Variants in PCDHGB3 observed in about 807,000 individuals in gnomAD.
PCDHGB3 encodes protocadherin gamma-B3.
PCDHGB3 carries 40 observed loss-of-function variants against 59.2 expected under a neutral mutation model. The observed-to-expected ratio is 0.68, with a 90% CI of 0.52 to 0.88. The LOEUF (loss-of-function observed/expected upper bound fraction) is 0.88, where lower values mean the gene tolerates loss of function less well. Among genes scored for constraint, PCDHGB3 ranks in the 40% least tolerant of loss-of-function variants. The pLI, the probability that PCDHGB3 is intolerant of heterozygous loss-of-function variation, is 0.00. For synonymous variants in PCDHGB3, 581 were observed against 503.6 expected, an observed-to-expected ratio of 1.15 and a Z score of -2.06; for missense variants, 1,309 against 1,187.9, an observed-to-expected ratio of 1.10 and a Z score of -1.50.
rs141514361 is a variant in PCDHGB3, at chr5:141,494,629, A to G, written c.2416-178A>G. 4,666 of 858,664 alleles carry G rather than the reference A, an allele frequency of 5.4e-3. 23 individuals are homozygous for G. Among genetic ancestry groups the G allele is most frequent in the Admixed American group, 0.011 (170 of 16,094 alleles). 53.2% of individuals were successfully genotyped at this position (858,664 alleles called of 1,614,324 possible). On this transcript the variant is annotated intron_variant, in intron 1 of 3. Coordinates refer to ENST00000576222, the MANE Select transcript of PCDHGB3 (RefSeq NM_018924.5). ...TATCTCTTGGTTTCTGGTACCTCAGACCTCTGAGACCTGAGGTGTATTTTG... is the reference window on the plus strand; with the variant it reads ...TATCTCTTGGTTTCTGGTACCTCAGGCCTCTGAGACCTGAGGTGTATTTTG...
intron 1 of PCDHGB3, among the ~76,000 whole-genome samples, chr5:141,483,322 G>C (rs1325809962): frequency 1.3e-5 from 2 of 152,110 alleles, no homozygotes. Flanking sequence ...TGGGACTGGA[G>C]GCAAAGAGAT....
intron 1 of PCDHGB3, among the ~76,000 whole-genome samples, chr5:141,436,832 C>T (rs1242760381): frequency 6.6e-6 from 1 of 152,172 alleles, no homozygotes; most frequent in African/African-American, 2.4e-5. Flanking sequence ...ATCTTAAGTG[C>T]CTAGGCACAT....
At chr5:141,510,238 A>C (rs2099880007) in intron 3 of PCDHGB3, among the ~76,000 whole-genome samples, 1 of 149,340 alleles carries the variant, frequency 6.7e-6, no homozygotes, top group Non-Finnish European at 1.5e-5. Flanking sequence ...GCGCCACTGC[A>C]CTCCAGGCTG....
chr5:141,403,571 G>T (rs778030830), intron 1 of PCDHGB3: 2 of 1,613,904 alleles, frequency 1.2e-6, no homozygotes, highest in South Asian at 1.1e-5. Flanking sequence ...GGAGGCAACT[G>T]CCCACCACCT....
chr5:141,390,130 C>T lies in PCDHGB3; in HGVS notation c.2415+17321C>T. On this transcript the variant is annotated intron_variant, in intron 1 of 3. Coordinates refer to ENST00000576222, the MANE Select transcript of PCDHGB3 (RefSeq NM_018924.5). Reference sequence around the variant, plus strand: ...TACAGCGAGGGGACTTTGCCTTATTCCTACAATCTATGTGTTGCACATACA... The same window carrying T: ...TACAGCGAGGGGACTTTGCCTTATTTCTACAATCTATGTGTTGCACATACA... 6.2e-7 allele frequency: 1 copy of T among 1,614,034 alleles called. No individual in the cohort carries two copies. Among genetic ancestry groups the T allele is most frequent in the Non-Finnish European group, 8.5e-7 (1 of 1,179,898 alleles).
chr5:141,374,262 C>A lies in PCDHGB3; in HGVS notation c.2415+1453C>A, dbSNP rs369097101. The A allele has an allele frequency of 8.4e-5, 136 of 1,613,824 alleles. No individual in the cohort carries two copies. Among genetic ancestry groups the A allele is most frequent in the Non-Finnish European group, 1.1e-4 (132 of 1,179,878 alleles). On this transcript the variant is annotated intron_variant, in intron 1 of 3. Transcript: ENST00000576222. ...CTGGGACTGGAGCCCCAGGAGTTGG[C>A]GGAGCACGGAGTCCGCATCGTCTCC...
chr5:141,422,477 A>G (rs1230502545), intron 1 of PCDHGB3: 2 of 1,613,904 alleles, frequency 1.2e-6, no homozygotes, highest in Admixed American at 1.7e-5. Flanking sequence ...GAGTTGGTCC[A>G]GAGCTACAAT....
intron 1 of PCDHGB3, chr5:141,393,540 C>G (rs760241344): frequency 6.2e-7 from 1 of 1,613,996 alleles, no homozygotes; most frequent in Admixed American, 1.7e-5. Context: ...CCCGGTTTTT[C>G]CTCACCCGAT....
At chr5:141,424,746 T>TTA (rs1392854638) in intron 1 of PCDHGB3, 1 of 152,214 alleles carries the variant, frequency 6.6e-6, no homozygotes, top group Non-Finnish European at 1.5e-5. Flanking sequence ...CTTTCTTTCT[T>TTA]TATAAGGTCA....
In PCDHGB3 at chr5:141,404,943, TAGCTGAC is replaced by T. The variant is rs770372146; in HGVS notation, c.2415+32138_2415+32144del. On this transcript the variant is annotated intron_variant, in intron 1 of 3. Transcript: ENST00000576222. ...GCCACTGTCACGCTCACAGTAGCCA[TAGCTGAC>T]AGCATCCCAGACATCCTGGCTGACC... 24 of 1,613,914 alleles carry T rather than the reference TAGCTGAC, an allele frequency of 1.5e-5. No individual in the cohort carries two copies. In the East Asian group the frequency reaches 4.0e-4, roughly 27 times the overall value.
At chr5:141,410,688 A>G in intron 1 of PCDHGB3, 1 of 1,519,164 alleles carries the variant, frequency 6.6e-7, no homozygotes, top group South Asian at 1.3e-5. Flanking sequence ...TAGGCATACT[A>G]CTTTATTTTC....
rs764039295 is a variant in PCDHGB3 at position 141,374,747 on chromosome 5, C to T, written c.2415+1938C>T. The T allele has an allele frequency of 3.7e-6, 6 of 1,612,022 alleles. No homozygotes were observed. Among genetic ancestry groups the T allele is most frequent in the East Asian group, 4.5e-5 (2 of 44,822 alleles). On this transcript the variant is annotated intron_variant, in intron 1 of 3. Transcript: ENST00000576222. ...TGCCATGGATGGCGGCGACCCTGTC[C>T]GCTCAAGCGTCGCCCAAATTCTGGT... is the stretch of plus-strand genomic sequence containing the variant.
chr5:141,439,124 C>A (rs550781116), intron 1 of PCDHGB3, among the ~76,000 whole-genome samples: 332 of 150,120 alleles, frequency 2.2e-3, no homozygotes, highest in Non-Finnish European at 3.9e-3. Context: ...ACCCGGGAGA[C>A]AGAGGTTGCA....
At chr5:141,438,400 T>C (rs2154557880) in intron 1 of PCDHGB3, among the ~76,000 whole-genome samples, 1 of 151,918 alleles carries the variant, frequency 6.6e-6, no homozygotes, top group Non-Finnish European at 1.5e-5. Context: ...TCATTAACTC[T>C]CTGAAGTATT....
intron 1 of PCDHGB3, chr5:141,414,753 T>A: frequency 6.2e-7 from 1 of 1,614,202 alleles, no homozygotes; most frequent in Non-Finnish European, 8.5e-7. Flanking sequence ...CCTTCGACTA[T>A]GAGCAGTTTC....
intron 2 of PCDHGB3, among the ~76,000 whole-genome samples, chr5:141,502,296 G>A (rs758304596): frequency 7.9e-5 from 12 of 151,130 alleles, no homozygotes; most frequent in Non-Finnish European, 1.2e-4. Context: ...TGGTTGTCAC[G>A]TCTTTCCTCT....
At chr5:141,407,851 C>T (rs2094989102) in intron 1 of PCDHGB3, among the ~76,000 whole-genome samples, 1 of 152,194 alleles carries the variant, frequency 6.6e-6, no homozygotes, top group Non-Finnish European at 1.5e-5. Flanking sequence ...GGGGGATGTA[C>T]ACCTGCATTT....
chr5:141,383,660 A>G (rs748941284), intron 1 of PCDHGB3: 1 of 1,614,030 alleles, frequency 6.2e-7, no homozygotes, highest in South Asian at 1.1e-5. Flanking sequence ...GTCCCCGAGA[A>G]TGTGCCAGTG....
rs745612756 is a variant in PCDHGB3 at position 141,487,150 on chromosome 5, T to C, written c.2416-7657T>C. The C allele has an allele frequency of 1.1e-5, 17 of 1,613,960 alleles. No individual in the cohort carries two copies. In the South Asian group the frequency reaches 1.6e-4, roughly 16 times the overall value. On this transcript the variant is annotated intron_variant, in intron 1 of 3. Transcript: ENST00000576222. This position sits in a 1 kb window ranked among gnomAD's most constrained non-coding sequence, Gnocchi z 5.0. The stretch of plus-strand genomic sequence containing the variant: ...GTAGTCCACCACTCTCTACCTCTGT[T>C]ACTCTCTTAGTGTCCTTAGAGGAAG...
Sources: gnomAD v4.1 joint callset for allele counts (sites outside exome capture counted in the v4.1 genomes callset) on GRCh38, gnomAD v4.1.1 for gene constraint, Gnocchi (gnomAD v3.1) non-coding constraint, MANE v1.5 for transcripts, NCBI Gene and HGNC (gene_info 2026-07-23, HGNC 2026-07-21) for gene names.